The following CTPS2 variants were observed in gnomAD, a reference collection of about 807,000 sequenced individuals.
CTPS2 encodes CTP synthase II.
A neutral mutation model predicts 46.8 loss-of-function variants in CTPS2; 19 were observed. The observed-to-expected ratio is 0.41, with a 90% CI of 0.28 to 0.60. The LOEUF (loss-of-function observed/expected upper bound fraction) is 0.60. CTPS2 is among the 20% of genes least tolerant of loss of function. CTPS2 has a pLI of 0.35. For synonymous variants in CTPS2, 151 were observed against 165.2 expected, an observed-to-expected ratio of 0.91 and a Z score of 0.66; for missense variants, 286 against 447.6, an observed-to-expected ratio of 0.64 and a Z score of 3.26.
chrX:16,642,923 T>C (rs972343699), intron 13 of CTPS2, among the ~76,000 whole-genome samples: 4 of 112,362 alleles, frequency 3.6e-5, no homozygotes, highest in African/African-American at 1.3e-4. Context: ...GCAAAAGGAT[T>C]GCCTTTGCTT....
intron 4 of CTPS2, among the ~76,000 whole-genome samples, chrX:16,696,923 T>C (rs1369890856): frequency 9.0e-6 from 1 of 110,872 alleles, no homozygotes; most frequent in Non-Finnish European, 1.9e-5. Flanking sequence ...ATTATTATAA[T>C]ATTATATTAT....
At chrX:16,593,997 C>G (rs911642308) in intron 17 of CTPS2, among the ~76,000 whole-genome samples, 1 of 111,540 alleles carries the variant, frequency 9.0e-6, no homozygotes, top group African/African-American at 3.3e-5. Context: ...TAGAATTAGC[C>G]AAGAAAGGGG....
intron 8 of CTPS2, among the ~76,000 whole-genome samples, chrX:16,687,428 T>C (rs1299096754): frequency 1.0e-5 from 1 of 98,658 alleles, no homozygotes; most frequent in Non-Finnish European, 2.0e-5. Context: ...TGAGCTGAGA[T>C]TGCACCACTG....
intron 7 of CTPS2, among the ~76,000 whole-genome samples, chrX:16,691,257 T>C (rs773031893): frequency 1.8e-5 from 2 of 111,723 alleles, no homozygotes; most frequent in South Asian, 7.5e-4. Context: ...AGGCAGAGGT[T>C]GCGGTGAGCT....
chrX:16,692,020 G>C (rs1923738187), intron 6 of CTPS2, among the ~76,000 whole-genome samples: 1 of 111,653 alleles, frequency 9.0e-6, no homozygotes, highest in African/African-American at 3.3e-5. Context: ...TAAATGAATG[G>C]GTGTGACTGC....
chrX:16,618,149 T>C (rs1930632984), intron 15 of CTPS2, among the ~76,000 whole-genome samples: 2 of 111,787 alleles, frequency 1.8e-5, no homozygotes, highest in Non-Finnish European at 3.8e-5. Flanking sequence ...CCCACATCTA[T>C]AGCTTTGCCT....
chrX:16,684,353 A>G lies in CTPS2; in HGVS notation c.873-1127T>C, dbSNP rs1343029773. On this transcript the variant is annotated intron_variant, in intron 8 of 18. Transcript: ENST00000359276. Reference sequence around the variant, plus strand: ...GTGAAACCTCGTCTCTACTAAAAATACAAAAATTAGCTGGGCGTGGTGGTA... The same window carrying G: ...GTGAAACCTCGTCTCTACTAAAAATGCAAAAATTAGCTGGGCGTGGTGGTA... Among the ~76,000 whole-genome samples the G allele has an allele frequency of 4.6e-5, 5 of 109,427 alleles. No homozygotes were observed. The Admixed American group carries it at 4.9e-4, about 11-fold the overall frequency.
In CTPS2 at chrX:16,590,739, G is replaced by T; in HGVS notation, c.*41+13C>A. 1.1e-6 allele frequency: 1 copy of T among 901,612 alleles called. No individual in the cohort carries two copies. Among genetic ancestry groups the T allele is most frequent in the Non-Finnish European group, 1.6e-6 (1 of 619,070 alleles). 74.3% of individuals were successfully genotyped at this position (901,612 alleles called of 1,213,427 possible). A position where few individuals can be genotyped will look rare whatever the true frequency, so the allele number is the denominator to read the frequency against. The stretch of plus-strand genomic sequence containing the variant: ...ATGAGAGAAATGAACAATCCTCGAA[G>T]ATTCCATCTTACCCTCACAGGCAGT... On this transcript the variant is annotated intron_variant, in intron 18 of 18. Coordinates refer to ENST00000359276, the MANE Select transcript of CTPS2 (RefSeq NM_175859.3).
chrX:16,664,043 A>G (rs140600978), intron 13 of CTPS2, among the ~76,000 whole-genome samples: 3,472 of 111,401 alleles, frequency 0.031, 89 homozygotes, highest in African/African-American at 0.074. Context: ...TCACCATGTT[A>G]GCCAGGATGG....
chrX:16,605,817 C>G (rs1454267813), intron 17 of CTPS2, among the ~76,000 whole-genome samples: 1 of 112,679 alleles, frequency 8.9e-6, no homozygotes, highest in African/African-American at 3.2e-5. Context: ...TGGGGGGACC[C>G]CCTAAACAAG....
intron 17 of CTPS2, among the ~76,000 whole-genome samples, chrX:16,607,683 A>C (rs1003095613): frequency 1.8e-5 from 2 of 113,087 alleles, no homozygotes; most frequent in Non-Finnish European, 3.7e-5. Context: ...ACACACGTGC[A>C]CACCACACAC....
At chrX:16,682,643 G>C (rs1165834962) in intron 9 of CTPS2, among the ~76,000 whole-genome samples, 1 of 112,098 alleles carries the variant, frequency 8.9e-6, no homozygotes, top group Non-Finnish European at 1.9e-5. Context: ...TGTGCTGAAA[G>C]TGTCTGTACA....
chrX:16,611,663 G>A (rs762931157), intron 16 of CTPS2, among the ~76,000 whole-genome samples: 43 of 111,297 alleles, frequency 3.9e-4, no homozygotes, highest in Non-Finnish European at 7.0e-4. Context: ...TGGATAGGGT[G>A]GACTAGTTCT....
Position 16,667,414 on chromosome X carries a change from G to C in CTPS2, c.1296+100C>G, listed in dbSNP as rs771422180. Reference sequence around the variant, plus strand: ...CTCCCAAAGTGCTGGGATTACAGGGGTGAGCCATGGCGCCCAGCCAATAGC... The same window carrying C: ...CTCCCAAAGTGCTGGGATTACAGGGCTGAGCCATGGCGCCCAGCCAATAGC... On this transcript the variant is annotated intron_variant, in intron 13 of 18. Transcript: ENST00000359276. 1.0e-5 allele frequency: 9 copies of C among 887,255 alleles called. No individual in the cohort carries two copies. The East Asian group carries it at 2.8e-4, about 28-fold the overall frequency. 73.1% of individuals were successfully genotyped at this position (887,255 alleles called of 1,213,427 possible). A position where few individuals can be genotyped will look rare whatever the true frequency, so the allele number is the denominator to read the frequency against.
intron 13 of CTPS2, chrX:16,654,316 C>T (rs1324903340): frequency 1.7e-5 from 10 of 586,657 alleles, no homozygotes; most frequent in Non-Finnish European, 2.7e-5. Flanking sequence ...GCACACAGAC[C>T]CCAAGGCCTC....
At position 16,650,374 on chromosome X, in the gene CTPS2, C is replaced by T. The variant is rs187770826; in HGVS notation, c.1297-11131G>A. On this transcript the variant is annotated intron_variant, in intron 13 of 18. Transcript: ENST00000359276. ...GCTGTGGTCAAGTATTCTTCAAGAC[C>T]ACAGCCTGCAGAGTGCAGATCAGGT... Among the ~76,000 whole-genome samples the T allele has an allele frequency of 5.9e-3, 658 of 111,109 alleles. 5 individuals carry two copies. Among genetic ancestry groups the T allele is most frequent in the African/African-American group, 0.02 (626 of 30,588 alleles).
chrX:16,647,425 G>A (rs1004475762), intron 13 of CTPS2, among the ~76,000 whole-genome samples: 2 of 107,928 alleles, frequency 1.9e-5, no homozygotes, highest in Non-Finnish European at 3.8e-5. Flanking sequence ...GCACCACCAC[G>A]CCTGGCTAAT....
intron 13 of CTPS2, among the ~76,000 whole-genome samples, chrX:16,665,370 A>G (rs1010926289): frequency 2.7e-5 from 3 of 112,720 alleles, no homozygotes; most frequent in African/African-American, 9.7e-5. Context: ...AAGTAGAAAC[A>G]ATGCAGATGT....
At chrX:16,638,884 T>C (rs1335979746) in intron 14 of CTPS2, 1 of 481,011 alleles carries the variant, frequency 2.1e-6, no homozygotes, top group African/African-American at 2.3e-5. Flanking sequence ...AACAGCCCAA[T>C]GAACAGGGAG....
Sources: allele counts gnomAD v4.1 joint callset (sites outside exome capture counted in the v4.1 genomes callset), GRCh38; gene constraint gnomAD v4.1.1; transcripts MANE v1.5; gene names NCBI Gene and HGNC (gene_info 2026-07-23, HGNC 2026-07-21).